Variants in PRKCH observed in about 807,000 individuals in gnomAD.
PRKCH encodes the protein protein kinase C eta type.
A neutral mutation model predicts 82.5 loss-of-function variants in PRKCH; 28 were observed. The ratio of observed to expected loss-of-function variants is 0.34; its 90% CI spans 0.25 to 0.47. The LOEUF is 0.47. PRKCH is among the 20% of genes least tolerant of loss of function. The pLI, the probability that PRKCH is intolerant of heterozygous loss-of-function variation, is 1.00. For synonymous variants in PRKCH, 322 were observed against 327.4 expected, an observed-to-expected ratio of 0.98 and a Z score of 0.18; for missense variants, 705 against 881.8, an observed-to-expected ratio of 0.80 and a Z score of 2.54.
In PRKCH at chr14:61,346,549, A is replaced by C. The variant is rs141565898; in HGVS notation, c.363+24085A>C. 6.6e-3 allele frequency among the ~76,000 whole-genome samples: 1,009 copies of C among 152,338 alleles called. 1 individual carries two copies. Among genetic ancestry groups the C allele is most frequent in the Non-Finnish European group, 0.012 (810 of 68,022 alleles). On this transcript the variant is annotated intron_variant, in intron 1 of 13. Coordinates refer to ENST00000332981, the MANE Select transcript of PRKCH (RefSeq NM_006255.5). ...AATAAGTTTAACATTTCATTGGAGC[A>C]ATTATTACGTGTCTGGGGTTATGCA...
chr14:61,223,312 A>G (rs1391893438), intron 1 of PRKCH, among the ~76,000 whole-genome samples: 4 of 152,176 alleles, frequency 2.6e-5, no homozygotes, highest in African/African-American at 9.7e-5. Context: ...CCTGACATCA[A>G]AGTGACAAGA....
intron 1 of PRKCH, among the ~76,000 whole-genome samples, chr14:61,189,609 C>T (rs997594690): frequency 2.0e-5 from 3 of 151,884 alleles, no homozygotes; most frequent in African/African-American, 7.3e-5. Context: ...TCCTTCCCTT[C>T]CCTTCCTTTC....
In PRKCH at chr14:61,220,809, AAAAG is replaced by A. The variant is rs2044650214; in HGVS notation, c.-19+33145_-19+33148del. Among the ~76,000 whole-genome samples the A allele has an allele frequency of 3.3e-5, 5 of 152,382 alleles. No individual in the cohort carries two copies. In the South Asian group the frequency reaches 1.0e-3, roughly 32 times the overall value. The stretch of plus-strand genomic sequence containing the variant: ...GAGAAAAGGGGGAAAGGAAAGGATT[AAAAG>A]AAAAAGGAAGAAAATGAAACAGGCA... On this transcript the variant is annotated intron_variant, in intron 1 of 3. Transcript: ENST00000555185.
At chr14:61,529,005 T>TGTGTGTGTGTGTGTGTGTGTGTGCGC (rs1491304992) in intron 10 of PRKCH, 70 bp from the exon 11 acceptor site, 3 of 1,460,606 alleles carry the variant, frequency 2.1e-6, no homozygotes, top group Non-Finnish European at 2.8e-6. Flanking sequence ...TGTGTGTGTG[T>TGTGTGTGTGTGTGTGTGTGTGTGCGC]GCCCATTCTG....
chr14:61,464,881 A>T (rs1885186454), intron 9 of PRKCH, among the ~76,000 whole-genome samples: 1 of 152,234 alleles, frequency 6.6e-6, no homozygotes, highest in Admixed American at 6.5e-5. Context: ...AGAATGATTT[A>T]TTAATCCTTT....
rs138275520 is a variant in PRKCH at position 61,298,378 on chromosome 14, G to A, written c.-19+110710G>A. 26 of 152,250 alleles carry A rather than the reference G, an allele frequency of 1.7e-4. No homozygotes were observed. In the East Asian group the frequency reaches 4.2e-3, roughly 25 times the overall value. 9.4% of individuals were successfully genotyped at this position (152,250 alleles called of 1,614,324 possible). A position where few individuals can be genotyped will look rare whatever the true frequency, so the allele number is the denominator to read the frequency against. Reference sequence around the variant, plus strand: ...GTTCCCTCTCTCAGGGAATGCCGCCGTCATCAGTGACATGCCCCATGCAGA... The same window carrying A: ...GTTCCCTCTCTCAGGGAATGCCGCCATCATCAGTGACATGCCCCATGCAGA... On this transcript the variant is annotated intron_variant, in intron 1 of 3. Coordinates refer to the PRKCH transcript ENST00000555185.
At chr14:61,455,068 C>T (rs1281213245) in intron 7 of PRKCH, among the ~76,000 whole-genome samples, 8 of 150,304 alleles carry the variant, frequency 5.3e-5, no homozygotes, top group Non-Finnish European at 8.8e-5. Flanking sequence ...CTGGCTCTGT[C>T]GCCCAGGCTG....
At chr14:61,210,812 G>GCA (rs2051183254) in intron 1 of PRKCH, among the ~76,000 whole-genome samples, 2 of 151,570 alleles carry the variant, frequency 1.3e-5, no homozygotes, top group African/African-American at 4.8e-5. Context: ...GTGTGTGTGT[G>GCA]TGCGTGCACG....
intron 1 of PRKCH, among the ~76,000 whole-genome samples, chr14:61,356,839 G>A (rs921507467): frequency 5.9e-5 from 9 of 151,922 alleles, no homozygotes; most frequent in Non-Finnish European, 1.0e-4. Context: ...CTACCACCAC[G>A]CCTGGCTAAT....
At chr14:61,373,453 C>G (rs536020172) in intron 1 of PRKCH, among the ~76,000 whole-genome samples, 10 of 151,884 alleles carry the variant, frequency 6.6e-5, no homozygotes, top group Admixed American at 1.3e-4. Context: ...CAATAACTTC[C>G]CAGCAGCCCC....
chr14:61,388,232 C>T (rs2046619419), intron 1 of PRKCH, among the ~76,000 whole-genome samples: 1 of 152,024 alleles, frequency 6.6e-6, no homozygotes, highest in African/African-American at 2.4e-5. Context: ...AAAGTTTCAA[C>T]CTGCAGTTTG....
chr14:61,426,650 A>G (rs375338898), intron 2 of PRKCH, among the ~76,000 whole-genome samples: 2 of 152,294 alleles, frequency 1.3e-5, no homozygotes, highest in East Asian at 3.9e-4. Flanking sequence ...CTGGAAGGAG[A>G]AAGTTTTCTG....
intron 2 of PRKCH, among the ~76,000 whole-genome samples, chr14:61,437,797 T>TA (rs201456357): frequency 2.3e-3 from 354 of 152,148 alleles, no homozygotes; most frequent in African/African-American, 7.8e-3. Context: ...ACAGTTGAAT[T>TA]AAAAAATCCT....
At chr14:61,439,550 G>A (rs1178665242) in intron 2 of PRKCH, among the ~76,000 whole-genome samples, 1 of 152,198 alleles carries the variant, frequency 6.6e-6, no homozygotes, top group Non-Finnish European at 1.5e-5. Context: ...GCCTGGGGCA[G>A]AAGTGAAAGA....
rs374888901 is a variant in PRKCH at position 61,457,337 on chromosome 14, CTGTT to C, written c.1104+21_1104+24del. 111 of 1,613,064 alleles carry C rather than the reference CTGTT, an allele frequency of 6.9e-5. No homozygotes were observed. In the East Asian group the frequency reaches 6.9e-4, roughly 10 times the overall value. ...TTGGGAAGGTGAGTCTTGGCTTTAA[CTGTT>C]TGGGTTGAAGTAAGTGTGCTCTGTG... is the stretch of plus-strand genomic sequence containing the variant. On this transcript the variant is annotated intron_variant, in intron 8 of 13. Coordinates refer to ENST00000332981, the MANE Select transcript of PRKCH (RefSeq NM_006255.5).
At chr14:61,229,567 GC>G (rs1182251206) in intron 1 of PRKCH, among the ~76,000 whole-genome samples, 4 of 152,198 alleles carry the variant, frequency 2.6e-5, no homozygotes, top group East Asian at 3.8e-4. Flanking sequence ...ATTGGAAGGA[GC>G]CTGTTTGATT....
chr14:61,480,522 G>C (rs1314009080), intron 9 of PRKCH, among the ~76,000 whole-genome samples: 1 of 152,146 alleles, frequency 6.6e-6, no homozygotes, highest in Non-Finnish European at 1.5e-5. Context: ...TACTCCTTTG[G>C]AATTAATTTT....
At chr14:61,433,119 G>GGT (rs1338697174) in intron 2 of PRKCH, among the ~76,000 whole-genome samples, 1 of 151,298 alleles carries the variant, frequency 6.6e-6, no homozygotes, top group Non-Finnish European at 1.5e-5. Flanking sequence ...TGATAAAGGT[G>GGT]GTTAATCTTT....
chr14:61,491,844 G>T (rs1886461781), intron 10 of PRKCH, among the ~76,000 whole-genome samples: 1 of 152,232 alleles, frequency 6.6e-6, no homozygotes, highest in Non-Finnish European at 1.5e-5. Context: ...CCAGTGGAGG[G>T]TATGATCCAG....
Sources: gnomAD v4.1 joint callset for allele counts (sites outside exome capture counted in the v4.1 genomes callset) on GRCh38, gnomAD v4.1.1 for gene constraint, MANE v1.5 for transcripts, NCBI Gene and HGNC (gene_info 2026-07-23, HGNC 2026-07-21) for gene names.